RSPO2: variants seen among roughly 807,000 people sequenced by gnomAD.
RSPO2 encodes R-spondin 2, also known as R-spondin-2.
A neutral mutation model predicts 30.9 loss-of-function variants in RSPO2; 14 were observed. The ratio of observed to expected loss-of-function variants is 0.45; its 90% CI spans 0.30 to 0.71. The LOEUF (loss-of-function observed/expected upper bound fraction) is 0.71, where lower values mean the gene tolerates loss of function less well. Ranked by LOEUF, RSPO2 falls within the 30% of genes least tolerant of loss-of-function variation. The pLI is 0.08. For missense variants in RSPO2, 264 were observed against 301.9 expected (o/e 0.87, Z 0.93); for synonymous variants, 107 against 96.4 (o/e 1.11, Z -0.64).
chr8:108,082,623 A>G lies in RSPO2; in HGVS notation c.16T>C (p.Phe6Leu), dbSNP rs1270740681. MQFRL[F>L]SFALIILNCM... ...TTCAGAATGATGAGGGCAAAGGAGA[A>G]AAGGCGAAACTGCATCTGGGCGGTC... The change falls in exon 2 of 6, where the codon TTC becomes CTC. Residue 6 changes from phenylalanine to leucine, a missense_variant. Physicochemically the swap from Phe to Leu is conservative, Grantham distance 22. Coordinates refer to ENST00000276659, the MANE Select transcript of RSPO2 (RefSeq NM_178565.5). 6.2e-7 allele frequency: 1 copy of G among 1,613,964 alleles called. No individual in the cohort carries two copies. The highest frequency in any genetic ancestry group is 1.3e-5 in the African/African-American group (1 of 74,946).
chr8:107,958,605 G>A (rs1317773320), intron 4 of RSPO2, among the ~76,000 whole-genome samples: 5 of 152,182 alleles, frequency 3.3e-5, no homozygotes, highest in East Asian at 1.9e-4. Flanking sequence ...AGGTAAACAT[G>A]TGCCATGGTG....
chr8:107,966,231 G>A (rs1813799918), intron 3 of RSPO2, among the ~76,000 whole-genome samples: 1 of 152,170 alleles, frequency 6.6e-6, no homozygotes, highest in South Asian at 2.1e-4. Context: ...CTAGCAGTGA[G>A]TAGTCCCTGT....
chr8:108,022,786 G>A (rs754540217), intron 2 of RSPO2, among the ~76,000 whole-genome samples: 10 of 152,046 alleles, frequency 6.6e-5, no homozygotes, highest in East Asian at 3.9e-4. Flanking sequence ...TTAGCCGGGC[G>A]TGGTGGCGCA....
chr8:107,941,694 C>T (rs535257210), intron 5 of RSPO2, among the ~76,000 whole-genome samples: 5 of 152,300 alleles, frequency 3.3e-5, no homozygotes, highest in East Asian at 3.9e-4. Flanking sequence ...TCTGTTCACA[C>T]GCAGAAATCT....
intron 2 of RSPO2, among the ~76,000 whole-genome samples, chr8:108,003,247 ATGTATGTGTGTGTG>A (rs1219246934): frequency 9.8e-5 from 6 of 61,236 alleles, no homozygotes; most frequent in African/African-American, 4.6e-4. Flanking sequence ...ATATGTATGT[ATGTATGTGTGTGTG>A]TGTGTGTGTG....
At chr8:107,952,235 G>T (rs540447988) in intron 5 of RSPO2, among the ~76,000 whole-genome samples, 97 of 151,432 alleles carry the variant, frequency 6.4e-4, no homozygotes, top group Non-Finnish European at 1.0e-3. Context: ...TTTCAAAGTG[G>T]CTACTTATGG....
Position 107,910,644 on chromosome 8 carries a change from GA to G in RSPO2, c.617-9455del, listed in dbSNP as rs529590772. Among the ~76,000 whole-genome samples, 19 of 152,298 alleles carry G rather than the reference GA, an allele frequency of 1.2e-4. No homozygotes were observed. In the South Asian group the frequency reaches 3.9e-3, roughly 32 times the overall value. On this transcript the variant is annotated intron_variant, in intron 5 of 5. Coordinates refer to ENST00000276659, the MANE Select transcript of RSPO2 (RefSeq NM_178565.5). Reference sequence around the variant, plus strand: ...TATGAGGGGATGTATGCTCCACAAAGAATCATAAATACATTCCCCACTCTGT... The same window carrying G: ...TATGAGGGGATGTATGCTCCACAAAGATCATAAATACATTCCCCACTCTGT...
At chr8:107,930,483 C>T (rs781313940) in intron 5 of RSPO2, among the ~76,000 whole-genome samples, 1 of 152,196 alleles carries the variant, frequency 6.6e-6, no homozygotes, top group Non-Finnish European at 1.5e-5. Flanking sequence ...AAGGCTTCCT[C>T]AACTGCTGAA....
At chr8:108,032,774 G>T (rs749444407) in intron 2 of RSPO2, among the ~76,000 whole-genome samples, 2 of 152,014 alleles carry the variant, frequency 1.3e-5, no homozygotes, top group African/African-American at 4.8e-5. Flanking sequence ...ACGTCTACAG[G>T]ATTATACCAC....
intron 3 of RSPO2, among the ~76,000 whole-genome samples, chr8:107,976,943 G>T (rs1009822116): frequency 5.3e-5 from 8 of 152,156 alleles, no homozygotes; most frequent in African/African-American, 1.9e-4. Flanking sequence ...AAATTAAAAT[G>T]CATGTGCCAG....
intron 2 of RSPO2, among the ~76,000 whole-genome samples, chr8:108,052,060 T>C (rs940955578): frequency 4.6e-5 from 7 of 152,092 alleles, no homozygotes; most frequent in Non-Finnish European, 1.0e-4. Context: ...GCTGGTGGAG[T>C]ATCTCTAAAA....
At chr8:108,049,950 T>C (rs1332772002) in intron 2 of RSPO2, among the ~76,000 whole-genome samples, 1 of 152,188 alleles carries the variant, frequency 6.6e-6, no homozygotes, top group Admixed American at 6.5e-5. Flanking sequence ...TAGGCTTTAC[T>C]GTACCTTTAA....
At chr8:107,914,329 G>C (rs1811911636) in intron 5 of RSPO2, among the ~76,000 whole-genome samples, 1 of 151,946 alleles carries the variant, frequency 6.6e-6, no homozygotes, top group African/African-American at 2.4e-5. Flanking sequence ...CATTCTGTTT[G>C]GCTTTTGATG....
intron 2 of RSPO2, among the ~76,000 whole-genome samples, chr8:108,077,014 C>T (rs924240556): frequency 7.9e-5 from 12 of 152,130 alleles, no homozygotes; most frequent in East Asian, 5.8e-4. Flanking sequence ...AGAACTGTAC[C>T]GATGCTGGAC....
At chr8:107,987,369 T>C (rs1814683057) in intron 3 of RSPO2, among the ~76,000 whole-genome samples, 1 of 152,194 alleles carries the variant, frequency 6.6e-6, no homozygotes, top group Admixed American at 6.6e-5. Flanking sequence ...TCAGTACCCT[T>C]AGATAATACC....
At chr8:108,058,335 A>G (rs1276865063) in intron 2 of RSPO2, among the ~76,000 whole-genome samples, 1 of 152,180 alleles carries the variant, frequency 6.6e-6, no homozygotes, top group African/African-American at 2.4e-5. Flanking sequence ...ACCACTGCTC[A>G]ATGAAATAAA....
intron 2 of RSPO2, among the ~76,000 whole-genome samples, chr8:108,035,509 T>C (rs1197334530): frequency 6.6e-6 from 1 of 152,154 alleles, no homozygotes; most frequent in Non-Finnish European, 1.5e-5. Flanking sequence ...CTCGCTCTGT[T>C]GCGCAGGCTG....
intron 2 of RSPO2, among the ~76,000 whole-genome samples, chr8:108,053,818 C>T (rs771287484): frequency 1.3e-5 from 2 of 152,048 alleles, no homozygotes; most frequent in Non-Finnish European, 2.9e-5. Flanking sequence ...GGCTAAGAAA[C>T]GTAAGAACCA....
At chr8:108,059,122 G>C (rs1176920590) in intron 2 of RSPO2, among the ~76,000 whole-genome samples, 18 of 151,668 alleles carry the variant, frequency 1.2e-4, no homozygotes, top group Non-Finnish European at 5.9e-5. Flanking sequence ...CTAATATCCA[G>C]AATCTACAAT....
Sources: allele counts gnomAD v4.1 joint callset (sites outside exome capture counted in the v4.1 genomes callset), GRCh38; gene constraint gnomAD v4.1.1; transcripts MANE v1.5; gene names NCBI Gene and HGNC (gene_info 2026-07-23, HGNC 2026-07-21).